The following HOATZ variants were observed in gnomAD, a reference collection of about 807,000 sequenced individuals.
The protein encoded by HOATZ is cilia- and flagella-associated protein HOATZ.
Under a neutral mutation model 24.9 loss-of-function variants are expected in HOATZ, and 26 were observed. The ratio of observed to expected loss-of-function variants is 1.04; its 90% CI spans 0.76 to 1.45. The LOEUF (loss-of-function observed/expected upper bound fraction) is 1.45. HOATZ is among the 40% of genes most tolerant of loss of function. The pLI is 0.00. For synonymous variants in HOATZ, 83 were observed against 76.6 expected, an observed-to-expected ratio of 1.08 and a Z score of -0.43; for missense variants, 226 against 201.5, an observed-to-expected ratio of 1.12 and a Z score of -0.74.
rs1224397494 is a variant in HOATZ, at chr11:111,514,843, C to T, written c.59C>T (p.Pro20Leu). 5 of 1,614,080 alleles carry T rather than the reference C, an allele frequency of 3.1e-6. No homozygotes were observed. The highest frequency in any genetic ancestry group is 2.5e-6 in the Non-Finnish European group (3 of 1,180,004). The change falls in exon 1 of 6, where the codon CCC becomes CTC. Residue 20 changes from proline (P) to leucine (L), a missense_variant. Coordinates refer to ENST00000375618, the MANE Select transcript of HOATZ (RefSeq NM_001100388.2). ...SGRKESQEMC[P>L]PGLLVFAGSS... is the part of the protein sequence containing the mutation. ...CGAAAAGAGTCCCAGGAAATGTGCC[C>T]CCCGGGATTACTGGTATTTGCTGGC...
intron 3 of HOATZ, among the ~76,000 whole-genome samples, chr11:111,530,161 A>C (rs1299909275): frequency 1.3e-5 from 2 of 152,206 alleles, no homozygotes; most frequent in Admixed American, 1.3e-4. Flanking sequence ...TCCAATTTTC[A>C]CAACAACCTT....
Position 111,536,897 on chromosome 11 carries a change from G to C in HOATZ, c.*70G>C. Reference sequence around the variant, plus strand: ...TTGGAAACAACCTTCTCTTAGATCAGGATCATTGAGATCACTGGCAACATT... The same window carrying C: ...TTGGAAACAACCTTCTCTTAGATCACGATCATTGAGATCACTGGCAACATT... On this transcript the variant is annotated 3_prime_UTR_variant, in exon 6 of 6. Coordinates refer to ENST00000375618, the MANE Select transcript of HOATZ (RefSeq NM_001100388.2). 1.7e-6 allele frequency: 2 copies of C among 1,190,750 alleles called. No homozygotes were observed. The highest frequency in any genetic ancestry group is 2.5e-6 in the Non-Finnish European group (2 of 797,222). The allele number at this position is 1,190,750 out of a possible 1,614,324, so 73.8% of individuals were successfully genotyped here.
At chr11:111,529,764 C>G (rs961257711) in intron 3 of HOATZ, among the ~76,000 whole-genome samples, 1 of 152,108 alleles carries the variant, frequency 6.6e-6, no homozygotes, top group African/African-American at 2.4e-5. Context: ...AAGAAAGGAC[C>G]TTTCTTCTAA....
intron 3 of HOATZ, among the ~76,000 whole-genome samples, chr11:111,526,396 G>A (rs529952409): frequency 6.6e-6 from 1 of 152,232 alleles, no homozygotes; most frequent in Non-Finnish European, 1.5e-5. Flanking sequence ...GTGATGCGAT[G>A]TGAATTAGGA....
intron 3 of HOATZ, among the ~76,000 whole-genome samples, chr11:111,525,949 T>C (rs749997055): frequency 6.6e-5 from 10 of 152,200 alleles, no homozygotes; most frequent in Non-Finnish European, 1.0e-4. Context: ...GATAAATATT[T>C]CTGAAAGAAT....
chr11:111,522,260 T>C (rs1407219925), intron 3 of HOATZ, among the ~76,000 whole-genome samples: 1 of 152,266 alleles, frequency 6.6e-6, no homozygotes, highest in African/African-American at 2.4e-5. Flanking sequence ...AAGGATCATG[T>C]ACATTTTTCC....
At chr11:111,521,476 T>C (rs934858563) in intron 3 of HOATZ, among the ~76,000 whole-genome samples, 1 of 152,196 alleles carries the variant, frequency 6.6e-6, no homozygotes, top group Non-Finnish European at 1.5e-5. Context: ...ATGATAGGGA[T>C]TGGCTTCCGA....
At chr11:111,526,329 G>A (rs1355417330) in intron 3 of HOATZ, among the ~76,000 whole-genome samples, 1 of 152,194 alleles carries the variant, frequency 6.6e-6, no homozygotes, top group African/African-American at 2.4e-5. Context: ...ATTGAAAGTG[G>A]CCAGAGCAGA....
At chr11:111,533,652 C>G in intron 3 of HOATZ, 94 bp from the exon 4 acceptor site, 1 of 813,158 alleles carries the variant, frequency 1.2e-6, no homozygotes, top group South Asian at 1.6e-5. Context: ...TAAAATTCTG[C>G]CAATACAAGA....
Position 111,514,802 on chromosome 11 carries a change from C to A in HOATZ, c.18C>A (p.Ser6Arg), listed in dbSNP as rs568958684. The stretch of plus-strand genomic sequence containing the variant: ...CAGTTGCCATGGAAACGGGACCCAG[C>A]GAAGAACCTAGCGGCCGAAAAGAGT... METGP[S>R]EEPSGRKESQ... The change falls in exon 1 of 6, where the codon AGC (serine) becomes AGA (arginine). Residue 6 changes from serine (S) to arginine (R), a missense_variant. Transcript: ENST00000375618. 4.3e-5 allele frequency: 69 copies of A among 1,613,870 alleles called. No individual in the cohort carries two copies. In the South Asian group the frequency reaches 6.0e-4, roughly 14 times the overall value.
intron 1 of HOATZ, among the ~76,000 whole-genome samples, chr11:111,515,297 G>T (rs1163567283): frequency 6.6e-6 from 1 of 152,154 alleles, no homozygotes; most frequent in Non-Finnish European, 1.5e-5. Context: ...TTGGCTGAAA[G>T]GATAGTTTAC....
chr11:111,521,418 G>T (rs1161711436), intron 3 of HOATZ, among the ~76,000 whole-genome samples: 1 of 152,148 alleles, frequency 6.6e-6, no homozygotes, highest in East Asian at 1.9e-4. Context: ...TTTCCTCAGT[G>T]TCATTGCCAA....
chr11:111,528,551 C>T (rs1181249189), intron 3 of HOATZ, among the ~76,000 whole-genome samples: 1 of 152,058 alleles, frequency 6.6e-6, no homozygotes, highest in Non-Finnish European at 1.5e-5. Context: ...TTATAAATAC[C>T]ACTATAATTC....
intron 3 of HOATZ, among the ~76,000 whole-genome samples, chr11:111,533,268 T>A (rs1273147450): frequency 6.6e-6 from 1 of 152,218 alleles, no homozygotes; most frequent in Non-Finnish European, 1.5e-5. Context: ...GTTCTGCCAC[T>A]TAATAGCTTG....
At position 111,516,130 on chromosome 11, in the gene HOATZ, G is replaced by A; in HGVS notation, c.339+20G>A. ...CAAAAGGTAGGCCAATATTTCAGAAGGTCATCTGATCATCATTAAATTTCT... is the reference window on the plus strand; with the variant it reads ...CAAAAGGTAGGCCAATATTTCAGAAAGTCATCTGATCATCATTAAATTTCT... On this transcript the variant is annotated intron_variant, in intron 3 of 5. Transcript: ENST00000375618. 1 of 1,429,986 alleles carries A rather than the reference G, an allele frequency of 7.0e-7. No individual in the cohort carries two copies. The highest frequency in any genetic ancestry group is 9.7e-7 in the Non-Finnish European group (1 of 1,035,454). The allele number at this position is 1,429,986 out of a possible 1,614,324, so 88.6% of individuals were successfully genotyped here.
chr11:111,523,588 C>T (rs1867296273), intron 3 of HOATZ, among the ~76,000 whole-genome samples: 1 of 152,140 alleles, frequency 6.6e-6, no homozygotes. Context: ...CTGGTTGAAT[C>T]ACAGTTTAAC....
chr11:111,519,161 T>A (rs1867240159), intron 3 of HOATZ: 2 of 381,740 alleles, frequency 5.2e-6, no homozygotes, highest in South Asian at 2.0e-5. Flanking sequence ...TGATTTTTTT[T>A]AATATCCTCC....
chr11:111,517,180 T>A (rs903937464), intron 3 of HOATZ, among the ~76,000 whole-genome samples: 1 of 152,192 alleles, frequency 6.6e-6, no homozygotes, highest in African/African-American at 2.4e-5. Context: ...TCAAACAAAT[T>A]AGGTAATTAG....
Position 111,533,781 on chromosome 11 carries a change from A to G in HOATZ, c.375A>G (p.Arg125=). 1 of 1,576,886 alleles carries G rather than the reference A, an allele frequency of 6.3e-7. No individual in the cohort carries two copies. Among genetic ancestry groups the G allele is most frequent in the Non-Finnish European group, 8.5e-7 (1 of 1,169,688 alleles). Residue 125 remains arginine, a synonymous_variant, in exon 4 of 6, where the codon AGA becomes AGG. Coordinates refer to ENST00000375618, the MANE Select transcript of HOATZ (RefSeq NM_001100388.2). ...KTREEILQLL[R]KQREERISKE... is the part of the protein sequence containing the mutation. ...GAGAAGAGATTCTCCAACTCTTAAGAAAACAAAGAGAAGAAAGGATCTCGG... is the reference window on the plus strand; with the variant it reads ...GAGAAGAGATTCTCCAACTCTTAAGGAAACAAAGAGAAGAAAGGATCTCGG...
Sources: gnomAD v4.1 joint callset for allele counts (sites outside exome capture counted in the v4.1 genomes callset) on GRCh38, gnomAD v4.1.1 for gene constraint, MANE v1.5 for transcripts, NCBI Gene and HGNC (gene_info 2026-07-23, HGNC 2026-07-21) for gene names.